Variants in KIAA0825 observed in about 807,000 individuals in gnomAD.
The protein encoded by KIAA0825 is KIAA0825, also known as uncharacterized protein KIAA0825.
In KIAA0825, 119 loss-of-function variants were observed where a neutral mutation model predicts 147.6. The observed-to-expected ratio is 0.81, with a 90% CI of 0.69 to 0.94. The LOEUF (loss-of-function observed/expected upper bound fraction) is 0.94. Among genes scored for constraint, KIAA0825 ranks in the 40% least tolerant of loss-of-function variants. The pLI is 0.00. For missense variants in KIAA0825, 1,381 were observed against 1,472.7 expected (o/e 0.94, Z 1.02); for synonymous variants, 470 against 518.1 (o/e 0.91, Z 1.26).
intron 6 of KIAA0825, among the ~76,000 whole-genome samples, chr5:94,482,807 C>T (rs543241124): frequency 3.2e-4 from 48 of 152,126 alleles, no homozygotes; most frequent in Non-Finnish European, 5.9e-4. Flanking sequence ...CACAAGGAGA[C>T]GTTCTAGTAC....
chr5:94,173,006 C>A (rs886375421), intron 20 of KIAA0825, among the ~76,000 whole-genome samples: 6 of 152,066 alleles, frequency 3.9e-5, no homozygotes, highest in Non-Finnish European at 8.8e-5. Flanking sequence ...TAATACCTTG[C>A]TTTCTAGATA....
At chr5:94,532,333 T>A (rs370364246) in intron 3 of KIAA0825, among the ~76,000 whole-genome samples, 7 of 152,130 alleles carry the variant, frequency 4.6e-5, no homozygotes, top group East Asian at 3.9e-4. Flanking sequence ...TTGTTTTTTG[T>A]AGAGACAGTG....
At chr5:94,422,733 G>T (rs1754359672) in intron 14 of KIAA0825, among the ~76,000 whole-genome samples, 1 of 152,070 alleles carries the variant, frequency 6.6e-6, no homozygotes, top group Non-Finnish European at 1.5e-5. Flanking sequence ...GGAGTTTTCA[G>T]TAGTGAAAGA....
chr5:94,157,387 T>A (rs535511766), intron 20 of KIAA0825, among the ~76,000 whole-genome samples: 2 of 152,290 alleles, frequency 1.3e-5, no homozygotes, highest in African/African-American at 4.8e-5. Context: ...TCTTCTGGAA[T>A]TGGCTCCATC....
intron 16 of KIAA0825, 113 bp downstream of exon 16, chr5:94,403,456 G>A: frequency 1.4e-6 from 1 of 730,626 alleles, no homozygotes; most frequent in Non-Finnish European, 2.2e-6. Flanking sequence ...CTTAATGGAA[G>A]GAAGATTAAT....
chr5:94,396,391 T>G lies in KIAA0825; in HGVS notation c.3006A>C (p.Ser1002=). 1 of 1,550,852 alleles carries G rather than the reference T, an allele frequency of 6.4e-7. No individual in the cohort carries two copies. Among genetic ancestry groups the G allele is most frequent in the Non-Finnish European group, 8.7e-7 (1 of 1,146,758 alleles). The change falls in exon 17 of 21, where the codon TCA becomes TCC. Residue 1002 remains serine, a synonymous_variant. Coordinates refer to ENST00000682413, the MANE Select transcript of KIAA0825 (RefSeq NM_001145678.3). The part of the protein sequence containing the change: ...YFFFLSERKM[S]KKFVELKKAG... ...CTTTCTTCAATTCAACAAATTTTTT[T>G]GACATTTTTCTCTCAGACAGAAAAA...
At chr5:94,313,423 G>T (rs767350241) in intron 20 of KIAA0825, among the ~76,000 whole-genome samples, 1 of 151,608 alleles carries the variant, frequency 6.6e-6, no homozygotes, top group African/African-American at 2.4e-5. Flanking sequence ...TGAAGATCAA[G>T]AATTTTTTTT....
At chr5:94,182,703 A>G (rs755133545) in intron 20 of KIAA0825, among the ~76,000 whole-genome samples, 15 of 152,064 alleles carry the variant, frequency 9.9e-5, no homozygotes, top group Non-Finnish European at 2.1e-4. Context: ...GTATGTGATT[A>G]TTTACTTCTA....
chr5:94,593,841 T>C (rs1394390249), intron 1 of KIAA0825: 2 of 346,776 alleles, frequency 5.8e-6, no homozygotes, highest in Non-Finnish European at 1.2e-5. Flanking sequence ...ATTAGTTTCA[T>C]ACCAACTGAG....
intron 20 of KIAA0825, among the ~76,000 whole-genome samples, chr5:94,313,077 A>G (rs1016857521): frequency 6.6e-6 from 1 of 151,732 alleles, no homozygotes; most frequent in Non-Finnish European, 1.5e-5. Context: ...TTTCGAAGTT[A>G]TATAATAAAT....
At chr5:94,257,627 A>T (rs182986655) in intron 20 of KIAA0825, among the ~76,000 whole-genome samples, 29 of 152,220 alleles carry the variant, frequency 1.9e-4, no homozygotes, top group Middle Eastern at 3.4e-3. Context: ...AAAATTATAG[A>T]TTCTTACATA....
At chr5:94,190,740 A>G (rs1219157022) in intron 20 of KIAA0825, among the ~76,000 whole-genome samples, 1 of 151,792 alleles carries the variant, frequency 6.6e-6, no homozygotes, top group East Asian at 1.9e-4. Context: ...CTATTTTGAT[A>G]TGGTGAATTG....
intron 2 of KIAA0825, among the ~76,000 whole-genome samples, chr5:94,559,648 T>A (rs1777197271): frequency 6.6e-6 from 1 of 152,198 alleles, no homozygotes; most frequent in South Asian, 2.1e-4. Flanking sequence ...AATAAACTGT[T>A]TAAAACTGGA....
chr5:94,475,599 G>A (rs1021639228), intron 7 of KIAA0825, among the ~76,000 whole-genome samples: 3 of 152,176 alleles, frequency 2.0e-5, no homozygotes. Flanking sequence ...CCTGAGGTCA[G>A]GAGTTCGAGA....
chr5:94,210,334 G>C (rs186049282), intron 20 of KIAA0825, among the ~76,000 whole-genome samples: 7 of 152,298 alleles, frequency 4.6e-5, no homozygotes, highest in Admixed American at 4.6e-4. Flanking sequence ...TTCAAGGCTA[G>C]TGCACTTGCT....
intron 13 of KIAA0825, among the ~76,000 whole-genome samples, chr5:94,443,768 A>G (rs1318942050): frequency 6.6e-6 from 1 of 152,106 alleles, no homozygotes; most frequent in Non-Finnish European, 1.5e-5. Flanking sequence ...TAGCTGTATC[A>G]ATCATACTGT....
chr5:94,198,703 G>A (rs1771379225), intron 20 of KIAA0825, among the ~76,000 whole-genome samples: 2 of 152,066 alleles, frequency 1.3e-5, no homozygotes, highest in African/African-American at 4.8e-5. Flanking sequence ...CATGGCACAT[G>A]TACACCTATG....
chr5:94,498,596 A>G (rs1197237829), intron 5 of KIAA0825, among the ~76,000 whole-genome samples: 5 of 152,308 alleles, frequency 3.3e-5, no homozygotes, highest in Admixed American at 2.0e-4. Flanking sequence ...TCTTCTTTTA[A>G]TTAACACCCT....
At chr5:94,472,503 C>T (rs1481470040) in intron 8 of KIAA0825, among the ~76,000 whole-genome samples, 12 of 152,142 alleles carry the variant, frequency 7.9e-5, no homozygotes, top group Admixed American at 6.5e-4. Context: ...CCCAGCACTT[C>T]AGGAGGCTGA....
Sources: allele counts gnomAD v4.1 joint callset (sites outside exome capture counted in the v4.1 genomes callset), GRCh38; gene constraint gnomAD v4.1.1; transcripts MANE v1.5; gene names NCBI Gene and HGNC (gene_info 2026-07-23, HGNC 2026-07-21).